Variants in SLC9C2 observed in about 807,000 individuals in gnomAD.
The protein encoded by SLC9C2 is solute carrier family 9 member C2 (putative).
A neutral mutation model predicts 140.2 loss-of-function variants in SLC9C2; 75 were observed. The ratio of observed to expected loss-of-function variants is 0.53; its 90% CI spans 0.44 to 0.65. SLC9C2 has a LOEUF of 0.65. SLC9C2 is among the 30% of genes least tolerant of loss of function. The pLI is 0.00. For synonymous variants in SLC9C2, 375 were observed against 420.9 expected (o/e 0.89, Z 1.34); for missense variants, 1,074 against 1,331.8 (o/e 0.81, Z 3.01).
At chr1:173,552,688 A>G (rs1296556239) in intron 11 of SLC9C2, among the ~76,000 whole-genome samples, 1 of 151,592 alleles carries the variant, frequency 6.6e-6, no homozygotes, top group East Asian at 1.9e-4. Context: ...TACTGCTCAG[A>G]AAAAAAAAGA....
In SLC9C2 at chr1:173,535,863, T is replaced by C. The variant is rs779582337; in HGVS notation, c.1742A>G (p.Tyr581Cys). ...KFKNVLTFLE[Y>C]CIEKIHFIPP... ...AATAAAATGTATCTTTTCTATACAA[T>C]ATTCCAAGAAAGTTAAAACATTTTT... Residue 581 changes from tyrosine to cysteine, a missense_variant, in exon 15 of 28, where the codon TAT becomes TGT. By Grantham distance (194) the Tyr-to-Cys change is radical. Transcript: ENST00000367714. The C allele has an allele frequency of 2.6e-6, 4 of 1,517,346 alleles. No homozygotes were observed. The South Asian group carries it at 4.8e-5, about 18-fold the overall frequency. The allele number at this position is 1,517,346 out of a possible 1,614,324, so 94.0% of individuals were successfully genotyped here.
intron 15 of SLC9C2, among the ~76,000 whole-genome samples, chr1:173,535,528 C>G (rs1661885927): frequency 6.6e-6 from 1 of 152,150 alleles, no homozygotes; most frequent in South Asian, 2.1e-4. Context: ...CACCCCTGCT[C>G]TATGTTATAT....
At chr1:173,546,083 A>G (rs4916370) in intron 13 of SLC9C2, among the ~76,000 whole-genome samples, 54,236 of 152,054 alleles carry the variant, frequency 0.36, 12,319 homozygotes, top group East Asian at 0.64. Context: ...AATTCAAGGG[A>G]TAGGATAAAG....
chr1:173,574,884 TGAG>T (rs1297568404), intron 8 of SLC9C2, among the ~76,000 whole-genome samples: 1 of 152,016 alleles, frequency 6.6e-6, no homozygotes, highest in East Asian at 1.9e-4. Flanking sequence ...TTTGGGAGGC[TGAG>T]GAGGATAGAT....
At chr1:173,576,789 A>C in intron 7 of SLC9C2, 29 bp from the exon 8 acceptor site, 1 of 1,366,638 alleles carries the variant, frequency 7.3e-7, no homozygotes, top group Non-Finnish European at 1.0e-6. Flanking sequence ...CAAATGAATC[A>C]AATGCAATGT....
chr1:173,556,805 G>A (rs1663737569), intron 10 of SLC9C2, among the ~76,000 whole-genome samples: 1 of 151,884 alleles, frequency 6.6e-6, no homozygotes, highest in Non-Finnish European at 1.5e-5. Flanking sequence ...GTGCACACCT[G>A]TAATCCCAGC....
rs753101878 is a variant in SLC9C2, at chr1:173,501,108, A to T, written c.3372-11T>A. 1 of 1,533,688 alleles carries T rather than the reference A, an allele frequency of 6.5e-7. No homozygotes were observed. The highest frequency in any genetic ancestry group is 1.3e-5 in the South Asian group (1 of 77,538). On this transcript the variant is annotated splice_polypyrimidine_tract_variant and intron_variant, in intron 27 of 27. Transcript: ENST00000367714. Reference sequence around the variant, plus strand: ...GTATCCAGTTTTCAACTATAAAAGAAAGTCAAAAGTTAAATATTAGCCTAT... The same window carrying T: ...GTATCCAGTTTTCAACTATAAAAGATAGTCAAAAGTTAAATATTAGCCTAT...
At chr1:173,548,889 A>G (rs1475212297) in intron 11 of SLC9C2, among the ~76,000 whole-genome samples, 1 of 152,180 alleles carries the variant, frequency 6.6e-6, no homozygotes. Context: ...CTATTAAACT[A>G]TGCAAATTCC....
chr1:173,560,592 A>T (rs1378486306), intron 9 of SLC9C2, among the ~76,000 whole-genome samples: 1 of 152,072 alleles, frequency 6.6e-6, no homozygotes, highest in Non-Finnish European at 1.5e-5. Context: ...CCCTTGCCCA[A>T]CTCTGCCTTC....
At chr1:173,526,394 T>C (rs1661199053) in intron 19 of SLC9C2, among the ~76,000 whole-genome samples, 1 of 152,218 alleles carries the variant, frequency 6.6e-6, no homozygotes, top group Non-Finnish European at 1.5e-5. Flanking sequence ...TTCTTTCCTG[T>C]ACACTCCCAT....
intron 7 of SLC9C2, among the ~76,000 whole-genome samples, chr1:173,580,722 G>A (rs1288994339): frequency 1.3e-5 from 2 of 152,200 alleles, no homozygotes; most frequent in Admixed American, 1.3e-4. Context: ...GGGTCACCAA[G>A]CTAATAAATT....
rs561273980 is a variant in SLC9C2 at position 173,530,628 on chromosome 1, C to T, written c.2164-574G>A. ...TTCAAATGCAAGCTCTCCTATTCAC[C>T]AGCTCTGTGACCTTGAGCAAGTTAT... is the stretch of plus-strand genomic sequence containing the variant. On this transcript the variant is annotated intron_variant, in intron 17 of 27. Transcript: ENST00000367714. Among the ~76,000 whole-genome samples the T allele has an allele frequency of 2.6e-5, 4 of 152,250 alleles. No homozygotes were observed. The South Asian group carries it at 8.3e-4, about 32-fold the overall frequency.
In SLC9C2 at chr1:173,587,838, C is replaced by T. The variant is rs1665945939; in HGVS notation, c.358-8G>A. On this transcript the variant is annotated splice_region_variant and splice_polypyrimidine_tract_variant and intron_variant, in intron 4 of 27. Coordinates refer to ENST00000367714, the MANE Select transcript of SLC9C2 (RefSeq NM_178527.4). ...TAATCCAGTTAACAAGACCTGTGAACCAATTCATAACACAGTATTAGACTT... is the reference window on the plus strand; with the variant it reads ...TAATCCAGTTAACAAGACCTGTGAATCAATTCATAACACAGTATTAGACTT... 1 of 1,606,450 alleles carries T rather than the reference C, an allele frequency of 6.2e-7. No homozygotes were observed. The highest frequency in any genetic ancestry group is 8.5e-7 in the Non-Finnish European group (1 of 1,175,576).
At chr1:173,506,764 T>C in intron 25 of SLC9C2, 92 bp downstream of exon 25, 1 of 1,062,346 alleles carries the variant, frequency 9.4e-7, no homozygotes, top group Non-Finnish European at 1.4e-6. Context: ...CATTCCAGGT[T>C]AAATTTCTTT....
intron 24 of SLC9C2, among the ~76,000 whole-genome samples, chr1:173,508,997 T>A (rs1273098023): frequency 6.6e-6 from 1 of 151,992 alleles, no homozygotes; most frequent in Non-Finnish European, 1.5e-5. Flanking sequence ...CAGGGGGGGA[T>A]CTACCTATTT....
chr1:173,560,139 T>G (rs927011199), intron 9 of SLC9C2, among the ~76,000 whole-genome samples: 8 of 152,260 alleles, frequency 5.3e-5, no homozygotes, highest in African/African-American at 1.4e-4. Flanking sequence ...AAACTCTTTA[T>G]TTTGGAATTT....
At chr1:173,535,174 T>A (rs1361416865) in intron 15 of SLC9C2, among the ~76,000 whole-genome samples, 4 of 152,064 alleles carry the variant, frequency 2.6e-5, no homozygotes, top group Admixed American at 2.0e-4. Context: ...ACTTATTAAA[T>A]GGAAAAAAGT....
At chr1:173,527,583 TGC>T (rs1661298157) in intron 18 of SLC9C2, among the ~76,000 whole-genome samples, 2 of 152,240 alleles carry the variant, frequency 1.3e-5, no homozygotes, top group Non-Finnish European at 1.5e-5. Context: ...ATTTGTTGGA[TGC>T]CCACTATGTC....
chr1:173,602,168 C>T (rs1666825206), intron 1 of SLC9C2, among the ~76,000 whole-genome samples: 1 of 152,038 alleles, frequency 6.6e-6, no homozygotes, highest in African/African-American at 2.4e-5. Context: ...AGGCCAGGGC[C>T]CGAACTTTCC....
Sources: allele counts gnomAD v4.1 joint callset (sites outside exome capture counted in the v4.1 genomes callset), GRCh38; gene constraint gnomAD v4.1.1; transcripts MANE v1.5; gene names NCBI Gene and HGNC (gene_info 2026-07-23, HGNC 2026-07-21).